The following FAM174B variants were observed in gnomAD, a reference collection of about 807,000 sequenced individuals.
FAM174B encodes membrane protein FAM174B.
Under a neutral mutation model 10.9 loss-of-function variants are expected in FAM174B, and 12 were observed. That is an observed-to-expected ratio of 1.10 (90% CI 0.71 to 1.79). The LOEUF is 1.79. FAM174B is among the 40% of genes most tolerant of loss of function. The pLI is 0.00. For synonymous variants in FAM174B, 132 were observed against 115.8 expected, an observed-to-expected ratio of 1.14 and a Z score of -0.90; for missense variants, 266 against 233.3, an observed-to-expected ratio of 1.14 and a Z score of -0.91.
rs1567045276 is a variant in FAM174B, at chr15:92,631,309, TATATATAATATTATATATA to T, written c.345-983_345-965del. On this transcript the variant is annotated intron_variant, in intron 1 of 2. Transcript: ENST00000327355. ...ATATTATATATTATATATAATATAT[TATATATAATATTATATATA>T]ATATATTATATATTATATATAATAT... Among the ~76,000 whole-genome samples, 16 of 4,066 alleles carry T rather than the reference TATATATAATATTATATATA, an allele frequency of 3.9e-3. 5 individuals carry two copies. The highest frequency in any genetic ancestry group is 0.014 in the Admixed American group (2 of 148). 2.7% of individuals were successfully genotyped at this position (4,066 alleles called of 152,430 possible).
chr15:92,620,325 C>A (rs996976002), intron 2 of FAM174B, among the ~76,000 whole-genome samples: 1 of 152,232 alleles, frequency 6.6e-6, no homozygotes, highest in Admixed American at 6.5e-5. Flanking sequence ...GGTGAAACCC[C>A]ATCTCTACTA....
chr15:92,648,844 C>T (rs2050946211), intron 1 of FAM174B, among the ~76,000 whole-genome samples: 1 of 152,222 alleles, frequency 6.6e-6, no homozygotes, highest in African/African-American at 2.4e-5. Context: ...AATCTAGATT[C>T]CTGGCAGATT....
At chr15:92,641,194 T>A (rs1055254471) in intron 1 of FAM174B, among the ~76,000 whole-genome samples, 10 of 152,198 alleles carry the variant, frequency 6.6e-5, no homozygotes, top group Non-Finnish European at 1.0e-4. Flanking sequence ...CCTATTAATT[T>A]AGCAAAAATA....
intron 1 of FAM174B, among the ~76,000 whole-genome samples, chr15:92,638,204 G>A (rs528621710): frequency 1.2e-4 from 18 of 152,204 alleles, no homozygotes; most frequent in Non-Finnish European, 2.5e-4. Context: ...TGTCCATATT[G>A]TCTTCACAGG....
Position 92,655,369 on chromosome 15 carries a change from C to A in FAM174B, c.291G>T (p.Val97=). 1 of 1,590,966 alleles carries A rather than the reference C, an allele frequency of 6.3e-7. No homozygotes were observed. Among genetic ancestry groups the A allele is most frequent in the Non-Finnish European group, 8.6e-7 (1 of 1,169,346 alleles). Residue 97 remains valine, a synonymous_variant, in exon 1 of 3, where the codon GTG becomes GTT. Coordinates refer to ENST00000327355, the MANE Select transcript of FAM174B (RefSeq NM_207446.3). The part of the protein sequence containing the change: ...DLPTLKAAVI[V]AFAFTTLLIA... Reference sequence around the variant, plus strand: ...TGAGGAGGGTGGTAAAGGCGAACGCCACGATCACGGCTGCCTTGAGGGTGG... The same window carrying A: ...TGAGGAGGGTGGTAAAGGCGAACGCAACGATCACGGCTGCCTTGAGGGTGG...
intron 2 of FAM174B, chr15:92,619,946 G>A (rs2050708199): frequency 6.2e-6 from 1 of 162,502 alleles, no homozygotes; most frequent in Non-Finnish European, 1.3e-5. Context: ...TGAATTGCAT[G>A]TTACTTTCTC....
intron 1 of FAM174B, among the ~76,000 whole-genome samples, chr15:92,648,147 T>G (rs1028801963): frequency 3.3e-5 from 5 of 152,332 alleles, no homozygotes; most frequent in Middle Eastern, 3.4e-3. Context: ...TGTCTTTGCC[T>G]GTAACTTCTA....
At chr15:92,646,607 A>G (rs777740715) in intron 1 of FAM174B, among the ~76,000 whole-genome samples, 22 of 151,894 alleles carry the variant, frequency 1.4e-4, no homozygotes, top group Non-Finnish European at 2.5e-4. Context: ...ACCTGATTCT[A>G]CCCTCCTCCC....
Position 92,618,973 on chromosome 15 carries a change from A to G in FAM174B, c.*483T>C. ...CCAAAATGAGGCCAGGACCTGACCA[A>G]GCCAAAAAAGCAGCAAAGGATCAGA... On this transcript the variant is annotated 3_prime_UTR_variant, in exon 3 of 3. Transcript: ENST00000327355. 5.1e-6 allele frequency: 3 copies of G among 583,090 alleles called. No homozygotes were observed. The South Asian group carries it at 6.2e-5, about 12-fold the overall frequency. 36.1% of individuals were successfully genotyped at this position (583,090 alleles called of 1,614,324 possible).
chr15:92,623,495 C>T (rs1349585929), intron 2 of FAM174B, among the ~76,000 whole-genome samples: 3 of 152,170 alleles, frequency 2.0e-5, no homozygotes, highest in Non-Finnish European at 4.4e-5. Context: ...GATTTCCCAC[C>T]GTGCCGCAGG....
chr15:92,630,084 C>A, intron 2 of FAM174B, 130 bp downstream of exon 2: 1 of 793,914 alleles, frequency 1.3e-6, no homozygotes, highest in African/African-American at 1.7e-5. Context: ...CAGGTCTCTC[C>A]ACGTGCAGAA....
At chr15:92,622,504 C>T (rs1026897294) in intron 2 of FAM174B, among the ~76,000 whole-genome samples, 7 of 152,220 alleles carry the variant, frequency 4.6e-5, no homozygotes, top group Non-Finnish European at 1.0e-4. Context: ...CAAGCTGTCT[C>T]CAGAGGAGGC....
At chr15:92,634,535 G>A (rs1253049404) in intron 1 of FAM174B, 1 of 152,184 alleles carries the variant, frequency 6.6e-6, no homozygotes, top group Non-Finnish European at 1.5e-5. Flanking sequence ...TAAGGCCCTT[G>A]AACCCCAACC....
chr15:92,631,771 C>T (rs1460498695), intron 1 of FAM174B, among the ~76,000 whole-genome samples: 1 of 151,672 alleles, frequency 6.6e-6, no homozygotes, highest in Non-Finnish European at 1.5e-5. Context: ...GCTGGGATCA[C>T]AGGCGTTAGC....
At chr15:92,622,903 C>T (rs1392191316) in intron 2 of FAM174B, among the ~76,000 whole-genome samples, 5 of 152,122 alleles carry the variant, frequency 3.3e-5, no homozygotes, top group African/African-American at 1.2e-4. Flanking sequence ...CTCACACCTG[C>T]CCAGCATTTC....
chr15:92,628,959 A>G (rs1261656559), intron 2 of FAM174B, among the ~76,000 whole-genome samples: 2 of 152,186 alleles, frequency 1.3e-5, no homozygotes, highest in Non-Finnish European at 1.5e-5. Context: ...ATATTCATGG[A>G]TTGGCAAAGT....
At chr15:92,631,462 T>C (rs1389372933) in intron 1 of FAM174B, among the ~76,000 whole-genome samples, 2 of 56,840 alleles carry the variant, frequency 3.5e-5, no homozygotes. Flanking sequence ...TAATATATAT[T>C]ATATATAATT....
chr15:92,643,974 G>C (rs975122833), intron 1 of FAM174B, among the ~76,000 whole-genome samples: 2 of 152,114 alleles, frequency 1.3e-5, no homozygotes, highest in Admixed American at 6.5e-5. Context: ...ACTAGCAGGC[G>C]ACCCTGAGCC....
chr15:92,619,526 C>A, intron 2 of FAM174B, 67 bp from the exon 3 acceptor site: 1 of 1,554,658 alleles, frequency 6.4e-7, no homozygotes, highest in South Asian at 1.2e-5. Flanking sequence ...CTGACCCCTC[C>A]TGAACATCTC....
Sources: allele counts gnomAD v4.1 joint callset (sites outside exome capture counted in the v4.1 genomes callset), GRCh38; gene constraint gnomAD v4.1.1; transcripts MANE v1.5; gene names NCBI Gene and HGNC (gene_info 2026-07-23, HGNC 2026-07-21).